The following LPA variants were observed in gnomAD, a reference collection of about 807,000 sequenced individuals.
LPA encodes apolipoprotein(a).
A neutral mutation model predicts 197.9 loss-of-function variants in LPA; 199 were observed. The ratio of observed to expected loss-of-function variants is 1.01; its 90% confidence interval spans 0.90 to 1.13. The LOEUF (loss-of-function observed/expected upper bound fraction) is 1.13. LPA is among the 50% of genes most tolerant of loss of function. The pLI is 0.00. For synonymous variants in LPA, 715 were observed against 639.5 expected, an observed-to-expected ratio of 1.12 and a Z score of -1.78; for missense variants, 1,853 against 1,785.8, an observed-to-expected ratio of 1.04 and a Z score of -0.68.
In LPA at chr6:160,573,120, T is replaced by C. The variant is rs1299388416; in HGVS notation, c.4631+4016A>G. On this transcript the variant is annotated intron_variant, in intron 28 of 38. Transcript: ENST00000316300. Reference sequence around the variant, plus strand: ...AATCCCAGACATCTTGAAGGCTTTGTTCATATTTTCTTATCCTTTATTCTT... The same window carrying C: ...AATCCCAGACATCTTGAAGGCTTTGCTCATATTTTCTTATCCTTTATTCTT... Among the ~76,000 whole-genome samples, 3 of 152,234 alleles carry C rather than the reference T, an allele frequency of 2.0e-5. No individual in the cohort carries two copies. In the East Asian group the frequency reaches 5.8e-4, roughly 29 times the overall value.
chr6:160,607,504 G>A (rs1362141250), intron 16 of LPA, among the ~76,000 whole-genome samples: 5 of 152,060 alleles, frequency 3.3e-5, no homozygotes, highest in African/African-American at 9.7e-5. Flanking sequence ...TGAAGAGGTC[G>A]GACAGCTACG....
intron 18 of LPA, 128 bp downstream of exon 18, chr6:160,604,918 G>A: frequency 4.9e-6 from 7 of 1,415,824 alleles, no homozygotes; most frequent in South Asian, 2.3e-5. Flanking sequence ...CAATGTTCCT[G>A]AGACATTTTG....
chr6:160,609,105 T>C (rs537612191), intron 16 of LPA, among the ~76,000 whole-genome samples: 1 of 152,154 alleles, frequency 6.6e-6, no homozygotes, highest in African/African-American at 2.4e-5. Context: ...ATATTTGAAA[T>C]AGTTATCTTA....
intron 1 of LPA, among the ~76,000 whole-genome samples, chr6:160,653,997 T>TATATATAATATATATTATATATA (rs1780064161): frequency 5.2e-3 from 56 of 10,808 alleles, no homozygotes; most frequent in Non-Finnish European, 7.2e-3. Flanking sequence ...TAATATATAT[T>TATATATAATATATATTATATATA]ATATATAATA....
chr6:160,548,125 G>A (rs1386028096), intron 31 of LPA, among the ~76,000 whole-genome samples, 188 bp from the exon 32 acceptor site: 1 of 152,134 alleles, frequency 6.6e-6, no homozygotes, highest in East Asian at 1.9e-4. Flanking sequence ...TACTGGAAAT[G>A]CTTATTGGCT....
chr6:160,549,095 C>T (rs1778128188), intron 30 of LPA, among the ~76,000 whole-genome samples: 1 of 152,150 alleles, frequency 6.6e-6, no homozygotes, highest in African/African-American at 2.4e-5. Context: ...AAATGCCAGA[C>T]ACTTACAAAA....
intron 17 of LPA, among the ~76,000 whole-genome samples, chr6:160,605,513 T>C (rs1779330775): frequency 6.6e-6 from 1 of 152,180 alleles, no homozygotes; most frequent in Non-Finnish European, 1.5e-5. Flanking sequence ...GAAACTGTGC[T>C]CACGTGCAAG....
At chr6:160,560,445 C>T (rs988997916) in intron 28 of LPA, among the ~76,000 whole-genome samples, 1 of 152,098 alleles carries the variant, frequency 6.6e-6, no homozygotes, top group Non-Finnish European at 1.5e-5. Flanking sequence ...ACATCCTCTT[C>T]AGCATCTGTT....
intron 28 of LPA, among the ~76,000 whole-genome samples, chr6:160,558,094 T>C (rs1778298455): frequency 6.6e-6 from 1 of 152,078 alleles, no homozygotes; most frequent in African/African-American, 2.4e-5. Flanking sequence ...TAATTTTTTG[T>C]ATTTTTAGTA....
intron 1 of LPA, among the ~76,000 whole-genome samples, chr6:160,654,950 G>A (rs1780106489): frequency 6.6e-6 from 1 of 152,126 alleles, no homozygotes. Flanking sequence ...TGAGGCCATT[G>A]GTGCAGGCTG....
chr6:160,660,245 T>C (rs1262130959), intron 1 of LPA, among the ~76,000 whole-genome samples: 1 of 148,748 alleles, frequency 6.7e-6, no homozygotes, highest in East Asian at 1.9e-4. Flanking sequence ...TCAGCATGTA[T>C]CTAGCAGCAT....
chr6:160,553,961 G>A (rs570310580), intron 30 of LPA, among the ~76,000 whole-genome samples: 47 of 149,760 alleles, frequency 3.1e-4, no homozygotes, highest in South Asian at 2.1e-3. Flanking sequence ...GTGTGCGCGC[G>A]CGCGCGTGTG....
chr6:160,552,160 A>T (rs1197094392), intron 30 of LPA, among the ~76,000 whole-genome samples: 2 of 151,984 alleles, frequency 1.3e-5, no homozygotes, highest in Non-Finnish European at 2.9e-5. Context: ...CATCCTCCAG[A>T]CTCAGCCTCC....
Position 160,578,719 on chromosome 6 carries a change from A to C in LPA, c.4290-15T>G. ...TGGTCAGGCCACTGCAAATTTCAAA[A>C]CAACACAGGTCACCAGAGATGGGAG... On this transcript the variant is annotated splice_polypyrimidine_tract_variant and intron_variant, in intron 26 of 38. Transcript: ENST00000316300. 1 of 1,613,656 alleles carries C rather than the reference A, an allele frequency of 6.2e-7. No homozygotes were observed. Among genetic ancestry groups the C allele is most frequent in the Non-Finnish European group, 8.5e-7 (1 of 1,179,850 alleles).
chr6:160,548,867 A>G (rs1217761360), intron 30 of LPA, among the ~76,000 whole-genome samples: 1 of 152,238 alleles, frequency 6.6e-6, no homozygotes, highest in East Asian at 1.9e-4. Flanking sequence ...TTTATTTTAA[A>G]ATATCAAAAG....
At position 160,542,885 on chromosome 6, in the gene LPA, C is replaced by T. The variant is rs561725281; in HGVS notation, c.5399-77G>A. 20 of 1,592,764 alleles carry T rather than the reference C, an allele frequency of 1.3e-5. No homozygotes were observed. The African/African-American group carries it at 2.4e-4, about 19-fold the overall frequency. On this transcript the variant is annotated intron_variant, in intron 33 of 38. Transcript: ENST00000316300. ...GTGTCGTTTAATTCAGGACGAATTC[C>T]AAGCACTAGTTTTTCACATCTCAAA... is the stretch of plus-strand genomic sequence containing the variant.
intron 36 of LPA, among the ~76,000 whole-genome samples, chr6:160,539,082 C>G (rs1354806379): frequency 2.6e-5 from 4 of 152,184 alleles, no homozygotes; most frequent in Non-Finnish European, 4.4e-5. Context: ...AGTTCACAGA[C>G]CCAGAGAAGC....
chr6:160,596,890 A>G (rs969573797), intron 20 of LPA, among the ~76,000 whole-genome samples: 1 of 152,132 alleles, frequency 6.6e-6, no homozygotes, highest in Non-Finnish European at 1.5e-5. Context: ...TTATATTCTT[A>G]CTCAGTTCAA....
intron 28 of LPA, among the ~76,000 whole-genome samples, chr6:160,558,000 AG>A (rs1168725163): frequency 6.6e-6 from 1 of 151,848 alleles, no homozygotes; most frequent in African/African-American, 2.4e-5. Flanking sequence ...GCTCACTGCA[AG>A]GTCTGCCTCC....
Sources: gnomAD v4.1 joint callset for allele counts (sites outside exome capture counted in the v4.1 genomes callset) on GRCh38, gnomAD v4.1.1 for gene constraint, MANE v1.5 for transcripts, NCBI Gene and HGNC (gene_info 2026-07-23, HGNC 2026-07-21) for gene names.